The following CUX1 variants were observed in gnomAD, a reference collection of about 807,000 sequenced individuals.
CUX1 encodes the protein cut like homeobox 1.
In CUX1, 31 loss-of-function variants were observed where a neutral mutation model predicts 158.8. That is an observed-to-expected ratio of 0.20 (90% confidence interval 0.15 to 0.26). The LOEUF (loss-of-function observed/expected upper bound fraction) is 0.26. CUX1 is among the 10% of genes least tolerant of loss of function. The pLI is 1.00. For missense variants in CUX1, 1,589 were observed against 2,014.6 expected, an observed-to-expected ratio of 0.79 and a Z score of 4.04; for synonymous variants, 879 against 862.1, an observed-to-expected ratio of 1.02 and a Z score of -0.34.
chr7:102,144,878 AG>A (rs1554501585), intron 8 of CUX1, among the ~76,000 whole-genome samples: 1 of 151,944 alleles, frequency 6.6e-6, no homozygotes, highest in African/African-American at 2.4e-5. Context: ...ACTTGAGGTC[AG>A]GAGCTTGAAA....
In CUX1 at chr7:102,250,931, C is replaced by CAT; in HGVS notation, c.*1892_*1893dup. ...TTGCTAATTTAGACTTCTTTATTGC[C>CAT]ATATCTTTAAACTAACAATAGATGA... On this transcript the variant is annotated 3_prime_UTR_variant, in exon 24 of 24. Coordinates refer to ENST00000292535, the MANE Select transcript of CUX1 (RefSeq NM_181552.4). The CAT allele has an allele frequency of 2.0e-6, 2 of 979,698 alleles. No individual in the cohort carries two copies. Among genetic ancestry groups the CAT allele is most frequent in the Non-Finnish European group, 2.4e-6 (2 of 824,912 alleles). The allele number at this position is 979,698 out of a possible 1,614,324, so 60.7% of individuals were successfully genotyped here.
At chr7:101,971,130 C>T (rs1198032003) in intron 2 of CUX1, among the ~76,000 whole-genome samples, 1 of 152,256 alleles carries the variant, frequency 6.6e-6, no homozygotes, top group Non-Finnish European at 1.5e-5. Context: ...AGAGAGGTCA[C>T]TGGCCTGCCC....
intron 11 of CUX1, among the ~76,000 whole-genome samples, chr7:102,179,863 G>A (rs975127462): frequency 5.3e-5 from 8 of 152,186 alleles, no homozygotes; most frequent in Non-Finnish European, 1.0e-4. Context: ...TCCCCAACCC[G>A]GTACCTCCAT....
At chr7:102,191,446 T>C (rs1204345494) in intron 12 of CUX1, among the ~76,000 whole-genome samples, 6 of 152,110 alleles carry the variant, frequency 3.9e-5, no homozygotes, top group African/African-American at 1.4e-4. Flanking sequence ...TTGGTCAGGC[T>C]GGTCTCAATC....
intron 4 of CUX1, among the ~76,000 whole-genome samples, chr7:102,094,045 A>G (rs782147779): frequency 1.3e-5 from 2 of 152,324 alleles, no homozygotes; most frequent in African/African-American, 2.4e-5. Flanking sequence ...ACAAAAAGCT[A>G]TTATTTCCGT....
At chr7:102,260,867 G>A (rs1790356400), downstream of CUX1, among the ~76,000 whole-genome samples, 1 of 152,220 alleles carries the variant, frequency 6.6e-6, no homozygotes, top group African/African-American at 2.4e-5. Flanking sequence ...GTGGCTGCCT[G>A]GGGGCATGCT....
chr7:101,835,173 C>T (rs1056304509), intron 1 of CUX1, among the ~76,000 whole-genome samples: 2 of 152,100 alleles, frequency 1.3e-5, no homozygotes, highest in Non-Finnish European at 2.9e-5. Context: ...CCTGTACCCC[C>T]GGCACCCCGT....
At chr7:102,058,955 A>G (rs1311096173) in intron 3 of CUX1, among the ~76,000 whole-genome samples, 1 of 152,204 alleles carries the variant, frequency 6.6e-6, no homozygotes, top group Non-Finnish European at 1.5e-5. Context: ...AGAATGAAGG[A>G]AGAAGTGAAG....
At position 101,951,759 on chromosome 7, in the gene CUX1, G is replaced by A. The variant is rs570066511; in HGVS notation, c.141+35534G>A. Reference sequence around the variant, plus strand: ...CCTGACCTTGTGATCCGCCCGCATCGGCCTCCCGAAGTGCTGGGATTACAG... The same window carrying A: ...CCTGACCTTGTGATCCGCCCGCATCAGCCTCCCGAAGTGCTGGGATTACAG... On this transcript the variant is annotated intron_variant, in intron 2 of 23. Coordinates refer to ENST00000292535, the MANE Select transcript of CUX1 (RefSeq NM_181552.4). 1.8e-4 allele frequency among the ~76,000 whole-genome samples: 27 copies of A among 152,144 alleles called. 1 individual carries two copies. Among genetic ancestry groups the A allele is most frequent in the Admixed American group, 1.2e-3 (18 of 15,274 alleles).
chr7:102,196,626 C>A lies in CUX1; in HGVS notation c.1223-8C>A. ...CCCATAATGCATTCTGTTTGCCCTT[C>A]CTTGTAGGGTCAGCCAGGAGGAAAG... is the stretch of plus-strand genomic sequence containing the variant. On this transcript the variant is annotated splice_polypyrimidine_tract_variant and splice_region_variant and intron_variant, in intron 14 of 23. Coordinates refer to ENST00000292535, the MANE Select transcript of CUX1 (RefSeq NM_181552.4). 2 of 1,528,726 alleles carry A rather than the reference C, an allele frequency of 1.3e-6. No homozygotes were observed. The highest frequency in any genetic ancestry group is 4.5e-5 in the East Asian group (2 of 44,056). The allele number at this position is 1,528,726 out of a possible 1,614,324, so 94.7% of individuals were successfully genotyped here. A position where few individuals can be genotyped will look rare whatever the true frequency, so the allele number is the denominator to read the frequency against.
chr7:101,923,184 G>A (rs1024343331), intron 2 of CUX1, among the ~76,000 whole-genome samples: 10 of 152,164 alleles, frequency 6.6e-5, no homozygotes, highest in African/African-American at 2.4e-4. Flanking sequence ...GTAACCCAGC[G>A]TGGGGTCCTC....
chr7:101,848,239 AT>A (rs994385299), intron 1 of CUX1, among the ~76,000 whole-genome samples: 3 of 150,942 alleles, frequency 2.0e-5, no homozygotes, highest in Non-Finnish European at 3.0e-5. Flanking sequence ...CCAGAGATTG[AT>A]TTTTTTTTCT....
At chr7:102,049,567 G>T (rs1823237258) in intron 3 of CUX1, among the ~76,000 whole-genome samples, 1 of 152,210 alleles carries the variant, frequency 6.6e-6, no homozygotes, top group Admixed American at 6.5e-5. Context: ...GTTGGATGCG[G>T]TGGCTCACAC....
chr7:102,104,290 A>G, intron 5 of CUX1, 46 bp from the exon 6 acceptor site: 2 of 1,557,726 alleles, frequency 1.3e-6, no homozygotes, highest in Non-Finnish European at 1.7e-6. Flanking sequence ...GCCATATGGA[A>G]TTGTATGCTT....
rs76559878 is a variant in CUX1, at chr7:102,098,645, CT to C, written c.406+1158del. On this transcript the variant is annotated intron_variant, in intron 5 of 23. Coordinates refer to ENST00000292535, the MANE Select transcript of CUX1 (RefSeq NM_181552.4). ...AGAAAAAGTTAATTGGCAAAGACTT[CT>C]TTTTTTTTTTTTTGAGATGGAGTCT... 1.6e-3 allele frequency among the ~76,000 whole-genome samples: 233 copies of C among 143,216 alleles called. 2 individuals are homozygous for C. The Middle Eastern group carries it at 0.021, about 13-fold the overall frequency. 94.0% of individuals were successfully genotyped at this position (143,216 alleles called of 152,430 possible).
At chr7:102,040,837 G>A (rs149291324) in intron 3 of CUX1, among the ~76,000 whole-genome samples, 99 of 152,298 alleles carry the variant, frequency 6.5e-4, no homozygotes, top group African/African-American at 2.3e-3. Context: ...CTTTCTGCCC[G>A]ACTTTGCTCA....
intron 1 of CUX1, among the ~76,000 whole-genome samples, chr7:101,838,043 G>T (rs1198634861): frequency 6.6e-6 from 1 of 151,436 alleles, no homozygotes; most frequent in East Asian, 1.9e-4. Flanking sequence ...AAAATATGTG[G>T]CCTATTTTGT....
intron 20 of CUX1, among the ~76,000 whole-genome samples, chr7:102,208,968 A>G (rs1796235592): frequency 6.6e-6 from 1 of 152,192 alleles, no homozygotes; most frequent in Admixed American, 6.5e-5. Flanking sequence ...ACTTTGGACA[A>G]CTTGCTCAGC....
chr7:101,825,375 AG>A (rs1228650596), intron 1 of CUX1, among the ~76,000 whole-genome samples: 1 of 152,320 alleles, frequency 6.6e-6, no homozygotes, highest in East Asian at 1.9e-4. Flanking sequence ...CACTCAGCCA[AG>A]TGGGAGACAA....
Sources: allele counts gnomAD v4.1 joint callset (sites outside exome capture counted in the v4.1 genomes callset), GRCh38; gene constraint gnomAD v4.1.1; transcripts MANE v1.5; gene names NCBI Gene and HGNC (gene_info 2026-07-23, HGNC 2026-07-21).